SLC25A46: variants seen among roughly 807,000 people sequenced by gnomAD.
SLC25A46 encodes the protein solute carrier family 25 member 46, also known as mitochondrial outer membrane protein SLC25A46.
In SLC25A46, 39 loss-of-function variants were observed where a neutral mutation model predicts 44.6. The observed-to-expected ratio is 0.87, with a 90% CI of 0.68 to 1.14. The LOEUF (loss-of-function observed/expected upper bound fraction) is 1.14. Among genes scored for constraint, SLC25A46 ranks in the 50% most tolerant of loss-of-function variants. The pLI is 0.00. For synonymous variants in SLC25A46, 202 were observed against 185.8 expected (o/e 1.09, Z -0.71); for missense variants, 547 against 522.7 (o/e 1.05, Z -0.45).
At chr5:110,742,608 T>C (rs1799718730) in intron 2 of SLC25A46, among the ~76,000 whole-genome samples, 1 of 152,082 alleles carries the variant, frequency 6.6e-6, no homozygotes, top group East Asian at 1.9e-4. Flanking sequence ...TTGTTTCCCT[T>C]ACTTACCTGT....
rs1191628560 is a variant in SLC25A46 at position 110,761,811 on chromosome 5, G to T, written c.*29G>T. The T allele has an allele frequency of 6.5e-7, 1 of 1,536,012 alleles. No homozygotes were observed. Among genetic ancestry groups the T allele is most frequent in the South Asian group, 1.2e-5 (1 of 84,250 alleles). ...TTAGGTTCCTTCACTGAGTAGTCTG[G>T]AAGATATAATCTGGATAATTTGCTA... On this transcript the variant is annotated 3_prime_UTR_variant, in exon 8 of 8. Transcript: ENST00000355943. The surrounding 1 kb of genome is among the most constrained non-coding windows in gnomAD (Gnocchi z 5.3).
At chr5:110,743,165 G>T (rs1799733691) in intron 2 of SLC25A46, among the ~76,000 whole-genome samples, 1 of 151,896 alleles carries the variant, frequency 6.6e-6, no homozygotes, top group Non-Finnish European at 1.5e-5. Context: ...TAATTGTTTT[G>T]TGGGGCACAT....
At position 110,749,096 on chromosome 5, in the gene SLC25A46, C is replaced by T. The variant is rs145822620; in HGVS notation, c.563+833C>T. ...TGGCTAGACATTTCTGAAGTATAGT[C>T]GATGGTCATTATGTTAGCTTGGTAA... On this transcript the variant is annotated intron_variant, in intron 5 of 7. Coordinates refer to ENST00000355943, the MANE Select transcript of SLC25A46 (RefSeq NM_138773.4). 3.6e-4 allele frequency among the ~76,000 whole-genome samples: 54 copies of T among 151,822 alleles called. 1 individual carries two copies. The East Asian group carries it at 6.2e-3, about 17-fold the overall frequency.
chr5:110,752,163 T>G (rs1203057819), intron 5 of SLC25A46, among the ~76,000 whole-genome samples: 1 of 151,808 alleles, frequency 6.6e-6, no homozygotes, highest in Non-Finnish European at 1.5e-5. Flanking sequence ...TATTTAGGGG[T>G]TTTTAAATAC....
At chr5:110,744,170 A>G (rs1799758225) in intron 3 of SLC25A46, among the ~76,000 whole-genome samples, 1 of 152,194 alleles carries the variant, frequency 6.6e-6, no homozygotes. Flanking sequence ...ATGCTTCTGC[A>G]GTCAATCTGT....
chr5:110,738,953 C>G (rs1380298073), upstream of SLC25A46: 7 of 1,440,356 alleles, frequency 4.9e-6, no homozygotes, highest in African/African-American at 1.4e-5. Flanking sequence ...CCGGAAGAGG[C>G]TATAATCACG....
intron 5 of SLC25A46, among the ~76,000 whole-genome samples, chr5:110,748,543 A>G (rs1799878416): frequency 6.6e-6 from 1 of 152,152 alleles, no homozygotes; most frequent in Admixed American, 6.5e-5. Flanking sequence ...AAGAAAAAAC[A>G]AAGAATAAAA....
At position 110,761,204 on chromosome 5, in the gene SLC25A46, A is replaced by C; in HGVS notation, c.679A>C (p.Ser227Arg). ...YSASLIETVQSEIIRDNTGIL... is the reference protein window; with the variant it reads ...YSASLIETVQREIIRDNTGIL... ...ACTTATTTCATCATTTTTATTTCAG[A>C]GTGAGATAATTCGAGATAATACTGG... is the stretch of plus-strand genomic sequence containing the variant. Residue 227 changes from serine to arginine, a missense_variant and splice_region_variant, in exon 8 of 8, where the codon AGT (serine) becomes CGT (arginine). Transcript: ENST00000355943. The surrounding 1 kb of genome is among the most constrained non-coding windows in gnomAD (Gnocchi z 5.3). 6.3e-7 allele frequency: 1 copy of C among 1,582,698 alleles called. No individual in the cohort carries two copies.
chr5:110,754,217 C>G (rs137976689), intron 5 of SLC25A46: 15 of 151,630 alleles, frequency 9.9e-5, no homozygotes, highest in Admixed American at 9.9e-4. Context: ...TATCTAGATT[C>G]CTGCTGTAGC....
Position 110,761,864 on chromosome 5 carries a change from A to C in SLC25A46, c.*82A>C. 8.7e-7 allele frequency: 1 copy of C among 1,145,422 alleles called. No homozygotes were observed. Among genetic ancestry groups the C allele is most frequent in the South Asian group, 1.6e-5 (1 of 62,386 alleles). The allele number at this position is 1,145,422 out of a possible 1,614,324, so 71.0% of individuals were successfully genotyped here. ...AAGTTATGAGGGATACAAGTGAAAT[A>C]CTGGGGAAGAAAATGGATTGGAAAG... On this transcript the variant is annotated 3_prime_UTR_variant, in exon 8 of 8. Transcript: ENST00000355943. This position sits in a 1 kb window ranked among gnomAD's most constrained non-coding sequence, Gnocchi z 5.3.
intron 7 of SLC25A46, among the ~76,000 whole-genome samples, chr5:110,758,814 C>A (rs1358354559): frequency 6.6e-6 from 1 of 151,730 alleles, no homozygotes; most frequent in Non-Finnish European, 1.5e-5. Flanking sequence ...AGAAAGAAAT[C>A]CTTGTACTAG....
Position 110,739,222 on chromosome 5 carries a change from A to C in SLC25A46, c.103A>C (p.Thr35Pro), listed in dbSNP as rs1799535894. 1.3e-6 allele frequency: 2 copies of C among 1,574,712 alleles called. No homozygotes were observed. Among genetic ancestry groups the C allele is most frequent in the Non-Finnish European group, 1.7e-6 (2 of 1,160,670 alleles). ...GGAFPARSFS[T>P]GSDLGHWVTT... ...CGCCTTCCCTGCAAGGTCCTTCAGCACCGGGTCGGACCTGGGCCACTGGGT... is the reference window on the plus strand; with the variant it reads ...CGCCTTCCCTGCAAGGTCCTTCAGCCCCGGGTCGGACCTGGGCCACTGGGT... Residue 35 changes from threonine to proline, a missense_variant, in exon 1 of 8, where the codon ACC becomes CCC. By Grantham distance (38) the Thr-to-Pro change is conservative. Coordinates refer to ENST00000355943, the MANE Select transcript of SLC25A46 (RefSeq NM_138773.4).
In SLC25A46 at chr5:110,758,009, G is replaced by A. The variant is rs1181114943; in HGVS notation, c.678+1250G>A. The stretch of plus-strand genomic sequence containing the variant: ...GAATGAGTTATTTATATAAGTGCCC[G>A]GCTCACTATGTGATAGGGTTTTTTC... On this transcript the variant is annotated intron_variant, in intron 7 of 7. Transcript: ENST00000355943. Among the ~76,000 whole-genome samples the A allele has an allele frequency of 2.6e-5, 4 of 151,950 alleles. No individual in the cohort carries two copies. The East Asian group carries it at 5.8e-4, about 22-fold the overall frequency.
At chr5:110,760,694 G>A (rs1031171478) in intron 7 of SLC25A46, among the ~76,000 whole-genome samples, 1 of 151,264 alleles carries the variant, frequency 6.6e-6, no homozygotes, top group Admixed American at 6.6e-5. Flanking sequence ...CATTTATTGA[G>A]TGACTCCTGA....
At chr5:110,749,751 A>G (rs757526340) in intron 5 of SLC25A46, among the ~76,000 whole-genome samples, 1 of 152,120 alleles carries the variant, frequency 6.6e-6, no homozygotes, top group Non-Finnish European at 1.5e-5. Flanking sequence ...TTGGGGTTGT[A>G]GTAGAAAAGC....
chr5:110,756,240 T>TC (rs891765883), intron 6 of SLC25A46: 25 of 151,948 alleles, frequency 1.6e-4, no homozygotes, highest in Admixed American at 1.6e-3. Context: ...TATAATGTTT[T>TC]TTTTTTTTTT....
Position 110,761,346 on chromosome 5 carries a change from TTCATTACA to T in SLC25A46, c.826_833del (p.Tyr276GlnfsTer19). ...TTCCCTACGGTGCTTCATGGAGTTC[TTCATTACA>T]TCATCAGCTCAGTTATTCAGAAGTT... On this transcript the variant is annotated frameshift_variant, in exon 8 of 8. Transcript: ENST00000355943. LOFTEE classifies it high-confidence loss of function. This position sits in a 1 kb window ranked among gnomAD's most constrained non-coding sequence, Gnocchi z 5.3. 1 of 1,613,826 alleles carries T rather than the reference TTCATTACA, an allele frequency of 6.2e-7. No individual in the cohort carries two copies. The highest frequency in any genetic ancestry group is 8.5e-7 in the Non-Finnish European group (1 of 1,179,818).
rs1034700856 is a variant in SLC25A46 at position 110,762,743 on chromosome 5, T to C, written c.*961T>C. 1 of 151,966 alleles carries C rather than the reference T, an allele frequency of 6.6e-6. No homozygotes were observed. The highest frequency in any genetic ancestry group is 1.5e-5 in the Non-Finnish European group (1 of 67,914). The allele number at this position is 151,966 out of a possible 1,614,324, so 9.4% of individuals were successfully genotyped here. A position where few individuals can be genotyped will look rare whatever the true frequency, so the allele number is the denominator to read the frequency against. ...ACCTCATTTCCCTTTTATTTCTGAA[T>C]GGCTTGTCTGAGAGGAAACAAAATT... On this transcript the variant is annotated 3_prime_UTR_variant, in exon 8 of 8. Coordinates refer to ENST00000355943, the MANE Select transcript of SLC25A46 (RefSeq NM_138773.4).
chr5:110,748,763 C>G (rs756079295), intron 5 of SLC25A46, among the ~76,000 whole-genome samples: 2 of 151,974 alleles, frequency 1.3e-5, no homozygotes, highest in African/African-American at 4.8e-5. Flanking sequence ...TCCAATGTCA[C>G]GGGGTTGGAC....
Sources: gnomAD v4.1 joint callset for allele counts (sites outside exome capture counted in the v4.1 genomes callset) on GRCh38, gnomAD v4.1.1 for gene constraint, Gnocchi (gnomAD v3.1) non-coding constraint, MANE v1.5 for transcripts, NCBI Gene and HGNC (gene_info 2026-07-23, HGNC 2026-07-21) for gene names.